TTLL5: variants seen among roughly 807,000 people sequenced by gnomAD.
TTLL5 encodes tubulin tyrosine ligase like 5, also known as tubulin polyglutamylase TTLL5.
Under a neutral mutation model 168.4 loss-of-function variants are expected in TTLL5, and 132 were observed. The observed-to-expected ratio is 0.78, with a 90% confidence interval of 0.68 to 0.91. TTLL5 has a LOEUF of 0.91. TTLL5 is among the 40% of genes least tolerant of loss of function. The pLI is 0.00. For synonymous variants in TTLL5, 546 were observed against 558.6 expected (o/e 0.98, Z 0.32); for missense variants, 1,545 against 1,581.5 (o/e 0.98, Z 0.39).
intron 18 of TTLL5, chr14:75,757,855 G>A: frequency 6.3e-7 from 1 of 1,592,260 alleles, no homozygotes; most frequent in Non-Finnish European, 8.5e-7. Context: ...GAAGCTTATT[G>A]ACAGGAAGAA....
At chr14:75,743,424 G>C (rs1352171003) in intron 15 of TTLL5, among the ~76,000 whole-genome samples, 1 of 151,668 alleles carries the variant, frequency 6.6e-6, no homozygotes, top group Non-Finnish European at 1.5e-5. Context: ...TGAGAAGTCC[G>C]AGGTGCCGGC....
intron 31 of TTLL5, among the ~76,000 whole-genome samples, chr14:75,952,138 G>A (rs890585221): frequency 3.9e-5 from 6 of 152,252 alleles, no homozygotes; most frequent in East Asian, 1.9e-4. Flanking sequence ...CTGAGCAGAT[G>A]TTTTGCCAAT....
intron 30 of TTLL5, among the ~76,000 whole-genome samples, chr14:75,899,453 T>C (rs2032823989): frequency 6.6e-6 from 1 of 152,220 alleles, no homozygotes; most frequent in African/African-American, 2.4e-5. Context: ...AAAAGCATAT[T>C]TACCCATAAT....
chr14:75,675,564 G>A (rs1419415136), intron 3 of TTLL5, among the ~76,000 whole-genome samples: 1 of 152,196 alleles, frequency 6.6e-6, no homozygotes, highest in African/African-American at 2.4e-5. Flanking sequence ...ATGTTAAGAG[G>A]CTTAGAAATA....
chr14:75,813,037 G>A (rs1894148414), intron 27 of TTLL5, among the ~76,000 whole-genome samples: 1 of 152,142 alleles, frequency 6.6e-6, no homozygotes. Flanking sequence ...ATTTTCATCA[G>A]GCAGACCAGG....
At chr14:75,700,553 TG>T (rs1344278489) in intron 7 of TTLL5, among the ~76,000 whole-genome samples, 18 of 152,056 alleles carry the variant, frequency 1.2e-4, no homozygotes, top group Admixed American at 3.9e-4. Flanking sequence ...GCTTACCCCA[TG>T]GAAAAATCAA....
intron 9 of TTLL5, chr14:75,709,333 A>G (rs569306698): frequency 7.6e-5 from 49 of 642,864 alleles, no homozygotes; most frequent in Middle Eastern, 7.5e-4. Context: ...CATGTATCCT[A>G]TGACTTGAAA....
At chr14:75,790,829 G>A (rs546148120) in intron 26 of TTLL5, among the ~76,000 whole-genome samples, 5 of 149,974 alleles carry the variant, frequency 3.3e-5, no homozygotes, top group Admixed American at 6.6e-5. Context: ...GGGTGCGGTG[G>A]CTCACGCTTG....
chr14:75,791,517 G>A (rs1436132222), intron 26 of TTLL5, among the ~76,000 whole-genome samples: 1 of 151,922 alleles, frequency 6.6e-6, no homozygotes, highest in East Asian at 1.9e-4. Flanking sequence ...GTTTGTATAT[G>A]CATATACACA....
intron 31 of TTLL5, chr14:75,904,361 G>C: frequency 1.4e-6 from 1 of 702,758 alleles, no homozygotes; most frequent in South Asian, 3.3e-5. Flanking sequence ...GATACCCTAT[G>C]AGAACCCCTT....
intron 10 of TTLL5, among the ~76,000 whole-genome samples, chr14:75,718,533 A>G (rs999526267): frequency 6.6e-6 from 1 of 152,198 alleles, no homozygotes; most frequent in Non-Finnish European, 1.5e-5. Context: ...GGAAAAAAAG[A>G]CCAGAAGTAG....
At chr14:75,804,377 A>G (rs563211440) in intron 27 of TTLL5, among the ~76,000 whole-genome samples, 11 of 152,342 alleles carry the variant, frequency 7.2e-5, no homozygotes, top group African/African-American at 2.6e-4. Context: ...AAGGGTCCAC[A>G]GTGGACCCTG....
chr14:75,928,342 CATATATATATATATAT>C (rs3034073), intron 31 of TTLL5, among the ~76,000 whole-genome samples: 2 of 81,970 alleles, frequency 2.4e-5, no homozygotes, highest in African/African-American at 9.4e-5. Context: ...ATGACAAAAA[CATATATATATATATAT>C]ATATATATAT....
intron 8 of TTLL5, among the ~76,000 whole-genome samples, 192 bp from the exon 9 acceptor site, chr14:75,707,431 A>T (rs1264123422): frequency 1.3e-5 from 2 of 152,062 alleles, no homozygotes; most frequent in African/African-American, 4.8e-5. Flanking sequence ...CTATATACAT[A>T]ATATGTATAC....
At chr14:75,723,482 TAATA>T (rs944336204) in intron 12 of TTLL5, among the ~76,000 whole-genome samples, 7 of 152,294 alleles carry the variant, frequency 4.6e-5, no homozygotes, top group African/African-American at 1.7e-4. Flanking sequence ...TAGATTTAAA[TAATA>T]AATAAAGGTT....
At chr14:75,874,846 G>A (rs982360918) in intron 29 of TTLL5, among the ~76,000 whole-genome samples, 4 of 149,664 alleles carry the variant, frequency 2.7e-5, no homozygotes, top group African/African-American at 4.9e-5. Context: ...GCGTGCACAT[G>A]TACATATGGT....
At chr14:75,781,418 G>T (rs138471839) in intron 24 of TTLL5, among the ~76,000 whole-genome samples, 1 of 152,166 alleles carries the variant, frequency 6.6e-6, no homozygotes, top group Non-Finnish European at 1.5e-5. Flanking sequence ...TGCTATTGGC[G>T]ATGGAGGGGA....
chr14:75,938,395 G>T (rs2034496324), intron 31 of TTLL5, among the ~76,000 whole-genome samples: 1 of 152,226 alleles, frequency 6.6e-6, no homozygotes, highest in Non-Finnish European at 1.5e-5. Context: ...GCCCATGGAG[G>T]CAGCCTTGAG....
At chr14:75,884,729 T>G (rs1237638617) in intron 30 of TTLL5, among the ~76,000 whole-genome samples, 1 of 152,172 alleles carries the variant, frequency 6.6e-6, no homozygotes, top group African/African-American at 2.4e-5. Context: ...ACTTGAACAT[T>G]CTCTCACTTA....
Sources: allele counts gnomAD v4.1 joint callset (sites outside exome capture counted in the v4.1 genomes callset), GRCh38; gene constraint gnomAD v4.1.1; transcripts MANE v1.5; gene names NCBI Gene and HGNC (gene_info 2026-07-23, HGNC 2026-07-21).